Variants in SH3D19 observed in about 807,000 individuals in gnomAD.
SH3D19 encodes SH3 domain-containing protein 19.
SH3D19 carries 58 observed loss-of-function variants against 112.1 expected under a neutral mutation model. The observed-to-expected ratio is 0.52, with a 90% CI of 0.42 to 0.64. The LOEUF (loss-of-function observed/expected upper bound fraction) is 0.64. Ranked by LOEUF, SH3D19 falls within the 30% of genes least tolerant of loss-of-function variation. SH3D19 has a pLI of 0.00. For missense variants in SH3D19, 1,090 were observed against 1,263.4 expected, an observed-to-expected ratio of 0.86 and a Z score of 2.08; for synonymous variants, 391 against 448.5, an observed-to-expected ratio of 0.87 and a Z score of 1.62.
chr4:151,241,063 T>C (rs540028955), intron 1 of SH3D19, among the ~76,000 whole-genome samples: 10 of 151,810 alleles, frequency 6.6e-5, no homozygotes, highest in East Asian at 3.9e-4. Flanking sequence ...AGTGGGAGGA[T>C]TGCCTTAGCC....
intron 11 of SH3D19, among the ~76,000 whole-genome samples, chr4:151,146,096 T>C (rs1753866136): frequency 6.6e-6 from 1 of 152,208 alleles, no homozygotes. Flanking sequence ...TATATGAATA[T>C]ACTGCCTCCT....
intron 1 of SH3D19, among the ~76,000 whole-genome samples, chr4:151,313,184 A>T (rs1032601915): frequency 1.3e-5 from 2 of 151,972 alleles, no homozygotes; most frequent in African/African-American, 2.4e-5. Context: ...TGTAGGCAGA[A>T]CAAAGTCTGA....
At chr4:151,134,040 G>T (rs1258074128) in intron 15 of SH3D19, among the ~76,000 whole-genome samples, 2 of 152,148 alleles carry the variant, frequency 1.3e-5, no homozygotes, top group South Asian at 4.1e-4. Context: ...AGCTTTAATA[G>T]AATTCTGATT....
chr4:151,161,686 GGTTT>G (rs1757184542), intron 8 of SH3D19, among the ~76,000 whole-genome samples: 1 of 149,382 alleles, frequency 6.7e-6, no homozygotes, highest in Admixed American at 6.7e-5. Flanking sequence ...ACAACGTGCA[GGTTT>G]GTTACATATG....
chr4:151,154,669 C>T lies in SH3D19; in HGVS notation c.1755+4571G>A, dbSNP rs1485841007. Among the ~76,000 whole-genome samples, 7 of 151,916 alleles carry T rather than the reference C, an allele frequency of 4.6e-5. No individual in the cohort carries two copies. In the East Asian group the frequency reaches 5.8e-4, roughly 13 times the overall value. On this transcript the variant is annotated intron_variant, in intron 9 of 19. Transcript: ENST00000604030. The stretch of plus-strand genomic sequence containing the variant: ...TCAGCTAACTGCAACCTCTGCCTCC[C>T]GGGTTCAAGCAATTTTCGTGCCTCA...
chr4:151,282,385 C>T lies in SH3D19; in HGVS notation c.112+42856G>A, dbSNP rs183837737. The T allele has an allele frequency of 7.5e-4, 1,207 of 1,613,714 alleles. 8 individuals carry two copies. In the African/African-American group the frequency reaches 0.014, roughly 18 times the overall value. The stretch of plus-strand genomic sequence containing the variant: ...CAATTCCACCCTTTTGTTGGGTGAC[C>T]GGATGGGGAAAAGTTAAGGAAAGTT... On this transcript the variant is annotated intron_variant, in intron 1 of 19. Transcript: ENST00000604030.
intron 1 of SH3D19, among the ~76,000 whole-genome samples, chr4:151,310,706 G>A (rs1430608525): frequency 6.6e-6 from 1 of 151,342 alleles, no homozygotes; most frequent in Non-Finnish European, 1.5e-5. Flanking sequence ...TGAGTAGCTG[G>A]GACTACAGGT....
intron 1 of SH3D19, among the ~76,000 whole-genome samples, chr4:151,256,104 T>C (rs1013097724): frequency 2.0e-5 from 3 of 152,120 alleles, no homozygotes; most frequent in Non-Finnish European, 4.4e-5. Flanking sequence ...GAGTTTGTAA[T>C]TGTCTATATA....
At chr4:151,137,899 T>C in intron 13 of SH3D19, 37 bp from the exon 14 acceptor site, 2 of 1,548,432 alleles carry the variant, frequency 1.3e-6, no homozygotes, top group Non-Finnish European at 1.7e-6. Flanking sequence ...TGATGAATCA[T>C]CCTGGTTGCA....
intron 19 of SH3D19, among the ~76,000 whole-genome samples, chr4:151,126,599 T>C (rs1749388575): frequency 6.6e-6 from 1 of 151,686 alleles, no homozygotes; most frequent in Admixed American, 6.6e-5. Context: ...ATCAAGACCA[T>C]CTTCACTAAC....
At chr4:151,265,570 T>TC (rs1772720004) in intron 1 of SH3D19, among the ~76,000 whole-genome samples, 2 of 111,786 alleles carry the variant, frequency 1.8e-5, no homozygotes, top group African/African-American at 1.0e-4. Flanking sequence ...ATTTCTTTTC[T>TC]TTTTTTTTTT....
At chr4:151,142,845 T>C (rs1753243987) in intron 12 of SH3D19, among the ~76,000 whole-genome samples, 1 of 152,190 alleles carries the variant, frequency 6.6e-6, no homozygotes, top group African/African-American at 2.4e-5. Flanking sequence ...CATTTCATTA[T>C]CACCAATAGC....
intron 1 of SH3D19, among the ~76,000 whole-genome samples, chr4:151,268,213 G>A (rs921653990): frequency 1.3e-5 from 2 of 152,064 alleles, no homozygotes; most frequent in Non-Finnish European, 2.9e-5. Context: ...TAACACAATG[G>A]GACGTATTTA....
At position 151,261,815 on chromosome 4, in the gene SH3D19, C is replaced by CA. The variant is rs772625404; in HGVS notation, c.113-35730dup. 3.0e-4 allele frequency among the ~76,000 whole-genome samples: 46 copies of CA among 152,114 alleles called. 1 individual carries two copies. Among genetic ancestry groups the CA allele is most frequent in the Non-Finnish European group, 5.7e-4 (39 of 68,034 alleles). ...AATTTAGAGATAGGATAGTTCTGTT[C>CA]AGTCTGAGAAGTAATATAGTTTTCC... On this transcript the variant is annotated intron_variant, in intron 1 of 19. Transcript: ENST00000604030.
intron 1 of SH3D19, among the ~76,000 whole-genome samples, chr4:151,230,486 G>A (rs1362252455): frequency 2.6e-5 from 4 of 152,048 alleles, no homozygotes; most frequent in Non-Finnish European, 5.9e-5. Context: ...GACTCAAGTT[G>A]GAAATGAAAG....
rs144122595 is a variant in SH3D19, at chr4:151,263,722, C to T, written c.113-37636G>A. Among the ~76,000 whole-genome samples, 1,024 of 152,064 alleles carry T rather than the reference C, an allele frequency of 6.7e-3. 13 individuals are homozygous for T. Among genetic ancestry groups the T allele is most frequent in the African/African-American group, 0.023 (961 of 41,520 alleles). ...CTCGCTGAAGGAATGCCTTTGGCAGCTGGCTTCTCCCAGAGTGAATGATCC... is the reference window on the plus strand; with the variant it reads ...CTCGCTGAAGGAATGCCTTTGGCAGTTGGCTTCTCCCAGAGTGAATGATCC... On this transcript the variant is annotated intron_variant, in intron 1 of 19. Coordinates refer to ENST00000604030, the MANE Select transcript of SH3D19 (RefSeq NM_001378122.1).
chr4:151,169,366 A>G (rs1160215062), intron 7 of SH3D19, among the ~76,000 whole-genome samples: 1 of 152,136 alleles, frequency 6.6e-6, no homozygotes, highest in Non-Finnish European at 1.5e-5. Flanking sequence ...GTTTGGCAGG[A>G]GTGGTCTGTT....
At chr4:151,309,584 A>G (rs1426983058) in intron 1 of SH3D19, among the ~76,000 whole-genome samples, 1 of 152,250 alleles carries the variant, frequency 6.6e-6, no homozygotes, top group East Asian at 1.9e-4. Context: ...AAGAAGGTAT[A>G]CAAACACCCA....
intron 1 of SH3D19, among the ~76,000 whole-genome samples, chr4:151,230,003 G>A (rs1469223761): frequency 6.6e-6 from 1 of 152,196 alleles, no homozygotes; most frequent in East Asian, 1.9e-4. Flanking sequence ...GAGATGTGAG[G>A]GATGCAATGG....
Sources: gnomAD v4.1 joint callset for allele counts (sites outside exome capture counted in the v4.1 genomes callset) on GRCh38, gnomAD v4.1.1 for gene constraint, MANE v1.5 for transcripts, NCBI Gene and HGNC (gene_info 2026-07-23, HGNC 2026-07-21) for gene names.